The following ZNF469 variants were observed in gnomAD, a reference collection of about 807,000 sequenced individuals.
ZNF469 encodes the protein zinc finger protein 469.
In ZNF469, 1 loss-of-function variant was observed where a neutral mutation model predicts 1.0. The observed-to-expected ratio is 1.00, with a 90% CI of 0.35 to 4.73. The LOEUF (loss-of-function observed/expected upper bound fraction) is 4.73, where lower values mean the gene tolerates loss of function less well. ZNF469 is among the 30% of genes most tolerant of loss of function. ZNF469 has a pLI of 0.16. For synonymous variants in ZNF469, 2,703 were observed against 2,363.4 expected, an observed-to-expected ratio of 1.14 and a Z score of -4.17; for missense variants, 6,100 against 5,356.3, an observed-to-expected ratio of 1.14 and a Z score of -4.33.
At position 88,429,715 on chromosome 16, in the gene ZNF469, C is replaced by A; in HGVS notation, c.2245C>A (p.His749Asn). 6.5e-7 allele frequency: 1 copy of A among 1,543,528 alleles called. No homozygotes were observed. Among genetic ancestry groups the A allele is most frequent in the Non-Finnish European group, 8.7e-7 (1 of 1,142,876 alleles). ...NYSSLAAFLA[H>N]RQFCGLLLAR... ...CAGCAGCCTGGCGGCCTTCCTGGCCCACCGGCAGTTCTGTGGCCTGCTCCT... is the reference window on the plus strand; with the variant it reads ...CAGCAGCCTGGCGGCCTTCCTGGCCAACCGGCAGTTCTGTGGCCTGCTCCT... Residue 749 changes from histidine (H) to asparagine (N), a missense_variant, in exon 3 of 3, where the codon CAC becomes AAC. By Grantham distance (68) the His-to-Asn change is moderately conservative. Coordinates refer to ENST00000565624, the MANE Select transcript of ZNF469 (RefSeq NM_001367624.2).
At chr16:88,380,399 T>TAA (rs1555514942), upstream of ZNF469, among the ~76,000 whole-genome samples, 1 of 105,714 alleles carries the variant, frequency 9.5e-6, no homozygotes, top group Non-Finnish European at 2.0e-5. Flanking sequence ...AGACACGCCC[T>TAA]CACACAGACA....
At chr16:88,208,770 CGT>C in the ZNF469 span, among the ~76,000 whole-genome samples, 8,364 of 40,132 alleles carry the variant, frequency 0.21, 376 homozygotes, top group Middle Eastern at 0.33. Flanking sequence ...AGTAAATGCG[CGT>C]GCGCGCGCAC....
the ZNF469 span, among the ~76,000 whole-genome samples, chr16:88,190,339 A>G: frequency 6.6e-6 from 1 of 152,284 alleles, no homozygotes; most frequent in Non-Finnish European, 1.5e-5. Flanking sequence ...TGGCTGAACC[A>G]GAGGTGACAC....
chr16:88,338,151 C>A, the ZNF469 span, among the ~76,000 whole-genome samples: 1 of 152,184 alleles, frequency 6.6e-6, no homozygotes, highest in African/African-American at 2.4e-5. Flanking sequence ...GCAATGCAAC[C>A]CTCCAGCGCT....
the ZNF469 span, among the ~76,000 whole-genome samples, chr16:88,284,610 CAAAA>C: frequency 9.1e-6 from 1 of 109,560 alleles, no homozygotes. Context: ...GATCCCATCT[CAAAA>C]AAAAAAAAAA....
the ZNF469 span, among the ~76,000 whole-genome samples, chr16:88,342,398 G>A: frequency 1.4e-4 from 22 of 152,192 alleles, no homozygotes; most frequent in African/African-American, 3.1e-4. Context: ...CCTGTGCCCC[G>A]CTCATGGCCG....
the ZNF469 span, among the ~76,000 whole-genome samples, chr16:88,190,827 C>G: frequency 6.6e-6 from 1 of 152,170 alleles, no homozygotes; most frequent in Non-Finnish European, 1.5e-5. Context: ...TTCCTGTTGC[C>G]TCTGTAACAC....
At chr16:88,169,131 G>A in the ZNF469 span, among the ~76,000 whole-genome samples, 2 of 152,172 alleles carry the variant, frequency 1.3e-5, no homozygotes, top group Non-Finnish European at 2.9e-5. The surrounding 1 kb of genome is among the most constrained non-coding windows in gnomAD (Gnocchi z 6.1). Flanking sequence ...GCTGTGAAGA[G>A]GGTGGGGTTG....
At chr16:88,357,929 C>T in the ZNF469 span, among the ~76,000 whole-genome samples, 44 of 152,220 alleles carry the variant, frequency 2.9e-4, no homozygotes, top group Non-Finnish European at 5.6e-4. Flanking sequence ...TCTGCAGGCG[C>T]CTTCCACACC....
chr16:88,171,382 T>C, the ZNF469 span, among the ~76,000 whole-genome samples: 3 of 152,172 alleles, frequency 2.0e-5, no homozygotes, highest in African/African-American at 7.2e-5. Context: ...GTTTCAGAGA[T>C]TGCACCCAGA....
At chr16:88,213,221 G>C in the ZNF469 span, among the ~76,000 whole-genome samples, 148,150 of 152,086 alleles carry the variant, frequency 0.97, 72,278 homozygotes, top group East Asian at 1. Context: ...GCCTCAGCCT[G>C]CCGAGTAGCT....
chr16:88,206,444 C>G, the ZNF469 span, among the ~76,000 whole-genome samples: 1 of 152,152 alleles, frequency 6.6e-6, no homozygotes, highest in Non-Finnish European at 1.5e-5. Flanking sequence ...AGCAGAGGCC[C>G]TTTCATAACC....
chr16:88,169,031 T>C, the ZNF469 span, among the ~76,000 whole-genome samples: 17,655 of 151,792 alleles, frequency 0.12, 1,270 homozygotes, highest in African/African-American at 0.19. This position sits in a 1 kb window ranked among gnomAD's most constrained non-coding sequence, Gnocchi z 6.1. Context: ...GAGGACAGGA[T>C]GAACATTCAC....
the ZNF469 span, among the ~76,000 whole-genome samples, chr16:88,199,145 C>G: frequency 6.6e-6 from 1 of 152,154 alleles, no homozygotes; most frequent in Non-Finnish European, 1.5e-5. Flanking sequence ...TGCTGGTTTC[C>G]TACGAGGAGG....
the ZNF469 span, among the ~76,000 whole-genome samples, chr16:88,145,564 TCTG>T: frequency 3.9e-5 from 6 of 152,236 alleles, no homozygotes; most frequent in Non-Finnish European, 8.8e-5. Context: ...GGGTGGTGGT[TCTG>T]CTGCCAGGTC....
the ZNF469 span, among the ~76,000 whole-genome samples, chr16:88,141,927 G>A: frequency 0.05 from 7,605 of 152,282 alleles, 633 homozygotes; most frequent in African/African-American, 0.17. Flanking sequence ...GCTTCTGACC[G>A]CCAGAGCTGT....
the ZNF469 span, among the ~76,000 whole-genome samples, chr16:88,216,432 T>G: frequency 1.3e-5 from 2 of 150,724 alleles, no homozygotes; most frequent in African/African-American, 4.9e-5. Context: ...AGGCAGAGCT[T>G]GCAGTGAGCC....
At chr16:88,108,167 G>T in the ZNF469 span, among the ~76,000 whole-genome samples, 1 of 146,608 alleles carries the variant, frequency 6.8e-6, no homozygotes, top group Non-Finnish European at 1.5e-5. Context: ...CCACGTCTGT[G>T]GGGATGTGGG....
the ZNF469 span, among the ~76,000 whole-genome samples, chr16:88,179,815 T>C: frequency 6.6e-5 from 10 of 152,198 alleles, no homozygotes; most frequent in Admixed American, 6.5e-5. Flanking sequence ...AAAAGTGTAT[T>C]GTGGGGTTTG....
Sources: allele counts gnomAD v4.1 joint callset (sites outside exome capture counted in the v4.1 genomes callset), GRCh38; gene constraint gnomAD v4.1.1; non-coding constraint Gnocchi (gnomAD v3.1); transcripts MANE v1.5; gene names NCBI Gene and HGNC (gene_info 2026-07-23, HGNC 2026-07-21).